SORCS1: variants seen among roughly 807,000 people sequenced by gnomAD.
SORCS1 encodes VPS10 domain-containing receptor SorCS1.
Under a neutral mutation model 146.1 loss-of-function variants are expected in SORCS1, and 60 were observed. The ratio of observed to expected loss-of-function variants is 0.41; its 90% CI spans 0.33 to 0.51. The LOEUF (loss-of-function observed/expected upper bound fraction) is 0.51. SORCS1 is among the 20% of genes least tolerant of loss of function. The pLI, the probability that SORCS1 is intolerant of heterozygous loss-of-function variation, is 0.21. For synonymous variants in SORCS1, 637 were observed against 584.0 expected, an observed-to-expected ratio of 1.09 and a Z score of -1.31; for missense variants, 1,352 against 1,487.6, an observed-to-expected ratio of 0.91 and a Z score of 1.50.
chr10:106,660,281 C>T (rs952241575), intron 17 of SORCS1, among the ~76,000 whole-genome samples: 3 of 152,236 alleles, frequency 2.0e-5, no homozygotes, highest in African/African-American at 7.2e-5. Context: ...TTTTAATTGA[C>T]ATATTATACA....
chr10:106,911,795 G>T (rs186875644), intron 2 of SORCS1, among the ~76,000 whole-genome samples: 10 of 152,178 alleles, frequency 6.6e-5, no homozygotes, highest in Admixed American at 2.0e-4. Flanking sequence ...GGAAGCGGGG[G>T]ACTCAGGCAT....
chr10:106,714,633 A>G (rs888091407), intron 6 of SORCS1, among the ~76,000 whole-genome samples: 3 of 152,202 alleles, frequency 2.0e-5, no homozygotes, highest in Non-Finnish European at 4.4e-5. Flanking sequence ...AGTCGTATAT[A>G]TATCTATAAA....
chr10:106,854,982 C>G lies in SORCS1; in HGVS notation c.627-25309G>C, dbSNP rs193088206. ...GATGCTCTTCTTTTCCTTACATAGA[C>G]TTGAGTTTCTATCCTGTATCATTTT... is the stretch of plus-strand genomic sequence containing the variant. On this transcript the variant is annotated intron_variant, in intron 2 of 25. Transcript: ENST00000263054. Among the ~76,000 whole-genome samples the G allele has an allele frequency of 6.6e-5, 10 of 152,252 alleles. No individual in the cohort carries two copies. The East Asian group carries it at 1.9e-3, about 29-fold the overall frequency.
At chr10:106,672,604 G>A (rs1015667178) in intron 15 of SORCS1, among the ~76,000 whole-genome samples, 2 of 152,156 alleles carry the variant, frequency 1.3e-5, no homozygotes, top group African/African-American at 2.4e-5. Context: ...TGCTGAACTG[G>A]TATTTCATTT....
At chr10:106,792,705 A>T (rs910193939) in intron 3 of SORCS1, among the ~76,000 whole-genome samples, 1 of 152,266 alleles carries the variant, frequency 6.6e-6, no homozygotes, top group Non-Finnish European at 1.5e-5. Context: ...TGTCTAAAAC[A>T]TAAGTGAAAA....
At chr10:107,104,423 T>G (rs1429649119) in intron 1 of SORCS1, among the ~76,000 whole-genome samples, 1 of 152,186 alleles carries the variant, frequency 6.6e-6, no homozygotes, top group Non-Finnish European at 1.5e-5. Context: ...TTCCTTCTCC[T>G]GAAACAGTGT....
chr10:107,111,320 A>T (rs1965683087), intron 1 of SORCS1, among the ~76,000 whole-genome samples: 1 of 152,236 alleles, frequency 6.6e-6, no homozygotes, highest in African/African-American at 2.4e-5. Flanking sequence ...AATTTGATGA[A>T]ATCAGAACAA....
chr10:106,681,614 T>C (rs555539328), intron 10 of SORCS1, among the ~76,000 whole-genome samples: 1 of 152,284 alleles, frequency 6.6e-6, no homozygotes, highest in East Asian at 1.9e-4. Context: ...TGTGAGCATC[T>C]GTATGGCATT....
At chr10:106,967,604 A>G (rs1046003415) in intron 1 of SORCS1, among the ~76,000 whole-genome samples, 2 of 152,322 alleles carry the variant, frequency 1.3e-5, no homozygotes, top group South Asian at 2.1e-4. Flanking sequence ...TAGGGGGAGA[A>G]GCTGGCAACT....
chr10:107,077,785 A>G (rs1043925202), intron 1 of SORCS1, among the ~76,000 whole-genome samples: 1 of 152,060 alleles, frequency 6.6e-6, no homozygotes, highest in African/African-American at 2.4e-5. Flanking sequence ...CTGCCTCCAG[A>G]AAATCTACTC....
chr10:106,744,095 T>TTTTATTTA (rs528149960), intron 5 of SORCS1, among the ~76,000 whole-genome samples: 11 of 152,066 alleles, frequency 7.2e-5, no homozygotes, highest in Admixed American at 3.9e-4. Context: ...ATCGTTTTAC[T>TTTTATTTA]TTTATTTATT....
rs377311096 is a variant in SORCS1 at position 107,085,289 on chromosome 10, T to C, written c.558+78680A>G. On this transcript the variant is annotated intron_variant, in intron 1 of 25. Transcript: ENST00000263054. ...CCTGATTCGTCCTCCGGTAATACCA[T>C]TTAAACACAACAAATAAAAATTGGC... Among the ~76,000 whole-genome samples, 28 of 152,326 alleles carry C rather than the reference T, an allele frequency of 1.8e-4. 1 individual carries two copies. Among genetic ancestry groups the C allele is most frequent in the African/African-American group, 6.7e-4 (28 of 41,580 alleles).
chr10:106,871,262 C>T (rs769392593), intron 2 of SORCS1, among the ~76,000 whole-genome samples: 1 of 152,142 alleles, frequency 6.6e-6, no homozygotes, highest in Non-Finnish European at 1.5e-5. Flanking sequence ...GGAGTGTAAA[C>T]TAGTTCAACC....
At chr10:106,805,414 C>T (rs1947113488) in intron 3 of SORCS1, among the ~76,000 whole-genome samples, 1 of 152,032 alleles carries the variant, frequency 6.6e-6, no homozygotes, top group African/African-American at 2.4e-5. Flanking sequence ...CTTAGTTTTA[C>T]AAAGTAAAGG....
rs933790779 is a variant in SORCS1 at position 106,574,147 on chromosome 10, C to G, written c.*3273G>C. ...TGGAAAACACAGAACAGCTGCCAAG[C>G]ACCCCACTGCTCTCAAAGTTGCTGT... On this transcript the variant is annotated 3_prime_UTR_variant, in exon 26 of 26. Coordinates refer to ENST00000263054, the MANE Select transcript of SORCS1 (RefSeq NM_052918.5). 2 of 152,048 alleles carry G rather than the reference C, an allele frequency of 1.3e-5. No homozygotes were observed. Among genetic ancestry groups the G allele is most frequent in the African/African-American group, 4.8e-5 (2 of 41,316 alleles). 9.4% of individuals were successfully genotyped at this position (152,048 alleles called of 1,614,324 possible).
chr10:106,606,822 T>C (rs1846628111), intron 23 of SORCS1, among the ~76,000 whole-genome samples: 1 of 152,154 alleles, frequency 6.6e-6, no homozygotes, highest in African/African-American at 2.4e-5. Flanking sequence ...GATGGTTTTA[T>C]ATGGGGCTTT....
At chr10:107,022,515 T>C (rs762903905) in intron 1 of SORCS1, among the ~76,000 whole-genome samples, 3 of 152,116 alleles carry the variant, frequency 2.0e-5, no homozygotes, top group Non-Finnish European at 2.9e-5. Context: ...GGCAAGCTCC[T>C]TGGACTCAAG....
intron 2 of SORCS1, among the ~76,000 whole-genome samples, chr10:106,840,502 C>T (rs1420253427): frequency 4.6e-5 from 7 of 151,902 alleles, no homozygotes; most frequent in South Asian, 2.1e-4. Flanking sequence ...GAATATATTC[C>T]GGTGAATGTG....
chr10:107,004,175 CA>C (rs1190654041), intron 1 of SORCS1, among the ~76,000 whole-genome samples: 13,720 of 49,854 alleles, frequency 0.28, 242 homozygotes, highest in Non-Finnish European at 0.32. Flanking sequence ...GATCCCATCT[CA>C]AAAAAAAAAA....
Sources: allele counts gnomAD v4.1 joint callset (sites outside exome capture counted in the v4.1 genomes callset), GRCh38; gene constraint gnomAD v4.1.1; transcripts MANE v1.5; gene names NCBI Gene and HGNC (gene_info 2026-07-23, HGNC 2026-07-21).